Variants in ERGIC3 observed in about 807,000 individuals in gnomAD.
ERGIC3 encodes the protein ERGIC and golgi 3.
Under a neutral mutation model 54.7 loss-of-function variants are expected in ERGIC3, and 33 were observed. The observed-to-expected ratio is 0.60, with a 90% CI of 0.46 to 0.81. The LOEUF (loss-of-function observed/expected upper bound fraction) is 0.81, where lower values mean the gene tolerates loss of function less well. Ranked by LOEUF, ERGIC3 falls within the 30% of genes least tolerant of loss-of-function variation. The probability of loss-of-function intolerance (pLI) is 0.00; values close to 1 mark genes in which losing one functional copy is unlikely to be tolerated. For missense variants in ERGIC3, 399 were observed against 488.4 expected (o/e 0.82, Z 1.73); for synonymous variants, 186 against 189.8 (o/e 0.98, Z 0.16).
At chr20:35,552,597 G>C (rs1159052452) in intron 7 of ERGIC3, among the ~76,000 whole-genome samples, 1 of 152,192 alleles carries the variant, frequency 6.6e-6, no homozygotes, top group Non-Finnish European at 1.5e-5. Context: ...AGCCAGTGAG[G>C]GGGCAGGAGG....
chr20:35,547,105 CAG>C (rs979983150), intron 4 of ERGIC3, among the ~76,000 whole-genome samples: 8 of 152,278 alleles, frequency 5.3e-5, no homozygotes, highest in East Asian at 1.9e-4. Flanking sequence ...CTCAGTAAAA[CAG>C]GGATAATTAC....
chr20:35,548,699 T>C (rs1601363362), intron 6 of ERGIC3, 25 bp downstream of exon 6: 2 of 1,614,076 alleles, frequency 1.2e-6, no homozygotes, highest in Admixed American at 1.7e-5. Flanking sequence ...CAAGACAAGA[T>C]AGGGCCAGCT....
intron 7 of ERGIC3, chr20:35,554,822 C>T: frequency 1.6e-6 from 1 of 626,076 alleles, no homozygotes; most frequent in Non-Finnish European, 2.9e-6. Flanking sequence ...CAGGGAGGAA[C>T]CAGGGTCTGT....
At chr20:35,546,870 G>A (rs1340854929) in intron 4 of ERGIC3, among the ~76,000 whole-genome samples, 1 of 151,980 alleles carries the variant, frequency 6.6e-6, no homozygotes, top group Non-Finnish European at 1.5e-5. Context: ...GAGGTGAGAT[G>A]GCAAAATCAA....
intron 7 of ERGIC3, chr20:35,554,453 C>G: frequency 1.3e-6 from 2 of 1,591,822 alleles, no homozygotes; most frequent in Middle Eastern, 1.8e-4. Context: ...ACTAGAATGG[C>G]GGGGAGGTTG....
chr20:35,556,305 C>G, intron 10 of ERGIC3, 34 bp downstream of exon 10: 1 of 1,608,788 alleles, frequency 6.2e-7, no homozygotes, highest in Non-Finnish European at 8.5e-7. Flanking sequence ...GAGTCTCCTG[C>G]GCGGTGCCAA....
rs1288185177 is a variant in ERGIC3, at chr20:35,548,622, AG to A, written c.577del (p.Glu193SerfsTer50). 1 of 1,614,244 alleles carries A rather than the reference AG, an allele frequency of 6.2e-7. No homozygotes were observed. The highest frequency in any genetic ancestry group is 1.7e-5 in the Admixed American group (1 of 60,022). On this transcript the variant is annotated frameshift_variant, in exon 6 of 13. Transcript: ENST00000348547. LOFTEE classifies it high-confidence loss of function. ...CRREGFSQKM[Q>X]EQKNEGCQVY... ...CGAGAGGGCTTCAGCCAGAAGATGC[AG>A]GAGCAGAAGAATGAAGGCTGCCAGG...
chr20:35,554,909 C>A, intron 7 of ERGIC3, 135 bp from the exon 8 acceptor site: 2 of 1,076,010 alleles, frequency 1.9e-6, no homozygotes, highest in Non-Finnish European at 2.9e-6. Flanking sequence ...TTAAGCAGGA[C>A]CAGGAGGTGC....
chr20:35,556,948 G>A, intron 10 of ERGIC3, 25 bp from the exon 11 acceptor site: 4 of 1,613,792 alleles, frequency 2.5e-6, no homozygotes, highest in Non-Finnish European at 3.4e-6. Context: ...CCCTAGCCCT[G>A]GCCCAGGCTC....
At position 35,557,060 on chromosome 20, in the gene ERGIC3, G is replaced by A. The variant is rs765811014; in HGVS notation, c.967G>A (p.Val323Ile). The A allele has an allele frequency of 3.2e-5, 52 of 1,614,200 alleles. No individual in the cohort carries two copies. In the South Asian group the frequency reaches 4.8e-4, roughly 15 times the overall value. The change falls in exon 11 of 13, where the codon GTC becomes ATC. Residue 323 changes from valine to isoleucine, a missense_variant. Physicochemically the swap from Val to Ile is conservative, Grantham distance 29. Coordinates refer to ENST00000348547, the MANE Select transcript of ERGIC3 (RefSeq NM_015966.3). ...CGACCAAGGCCTTCCCGGAGTCTTC[G>A]TCCTCTATGAGCTCTCGCCCATGAT... The part of the protein sequence containing the change: ...LGDQGLPGVF[V>I]LYELSPMMVK...
In ERGIC3 at chr20:35,542,317, C is replaced by T. The variant is rs1225203625; in HGVS notation, c.89-6C>T. The T allele has an allele frequency of 6.2e-7, 1 of 1,613,972 alleles. No homozygotes were observed. The highest frequency in any genetic ancestry group is 2.2e-5 in the East Asian group (1 of 44,880). ...GCCATTCTGACCCTCGCCCCTTGTCCTGCAGTGACCATTGTCAGTGGCCTT... is the reference window on the plus strand; with the variant it reads ...GCCATTCTGACCCTCGCCCCTTGTCTTGCAGTGACCATTGTCAGTGGCCTT... On this transcript the variant is annotated splice_polypyrimidine_tract_variant and splice_region_variant and intron_variant, in intron 1 of 12. Coordinates refer to ENST00000348547, the MANE Select transcript of ERGIC3 (RefSeq NM_015966.3).
At position 35,542,084 on chromosome 20, in the gene ERGIC3, TCCGG is replaced by T. The variant is rs958952676; in HGVS notation, c.-9_-6del. Reference sequence around the variant, plus strand: ...GGGGCGGGCCGGCTGGCGTCCCCTTTCCGGCCGGTCCCCATGGAGGCGCTGGGGA... The same window carrying T: ...GGGGCGGGCCGGCTGGCGTCCCCTTTCCGGTCCCCATGGAGGCGCTGGGGA... On this transcript the variant is annotated 5_prime_UTR_variant, in exon 1 of 13. Coordinates refer to ENST00000348547, the MANE Select transcript of ERGIC3 (RefSeq NM_015966.3). The T allele has an allele frequency of 1.3e-6, 2 of 1,518,432 alleles. No homozygotes were observed. Among genetic ancestry groups the T allele is most frequent in the African/African-American group, 2.8e-5 (2 of 71,836 alleles). 94.1% of individuals were successfully genotyped at this position (1,518,432 alleles called of 1,614,324 possible).
At chr20:35,556,868 A>C (rs1446867794) in intron 10 of ERGIC3, 105 bp from the exon 11 acceptor site, 1 of 1,518,374 alleles carries the variant, frequency 6.6e-7, no homozygotes, top group Admixed American at 1.8e-5. Flanking sequence ...CTCTCCTTAC[A>C]CGGCCAAGGC....
intron 4 of ERGIC3, chr20:35,544,387 G>A (rs1429769529): frequency 1.1e-5 from 3 of 284,826 alleles, no homozygotes; most frequent in Non-Finnish European, 2.1e-5. Flanking sequence ...TTTTTTTTCT[G>A]TCAAGGTGTT....
chr20:35,547,066 C>A (rs1041773695), intron 4 of ERGIC3, among the ~76,000 whole-genome samples: 1 of 152,128 alleles, frequency 6.6e-6, no homozygotes, highest in Admixed American at 6.6e-5. Flanking sequence ...TGGGCAAAGT[C>A]ACTTCTCATC....
At chr20:35,543,799 G>A in intron 4 of ERGIC3, 1 of 444,294 alleles carries the variant, frequency 2.3e-6, no homozygotes, top group South Asian at 1.6e-5. Context: ...ATGACTGGAG[G>A]AGAAGGTTTT....
Position 35,556,109 on chromosome 20 carries a change from C to T in ERGIC3, c.794C>T (p.Thr265Ile). Residue 265 changes from threonine (T) to isoleucine (I), a missense_variant, in exon 9 of 13, where the codon ACC (threonine) becomes ATC (isoleucine). Physicochemically the swap from Thr to Ile is moderately conservative, Grantham distance 89 (BLOSUM62 -1). Coordinates refer to ENST00000348547, the MANE Select transcript of ERGIC3 (RefSeq NM_015966.3). The part of the protein sequence containing the change: ...YPGIVNPLDH[T>I]NVTAPQASMM... ...GGCATTGTGAACCCCCTGGACCACACCAATGTCACTGCGCCCCAAGGTACC... is the reference window on the plus strand; with the variant it reads ...GGCATTGTGAACCCCCTGGACCACATCAATGTCACTGCGCCCCAAGGTACC... The T allele has an allele frequency of 6.2e-7, 1 of 1,614,200 alleles. No homozygotes were observed. Among genetic ancestry groups the T allele is most frequent in the Non-Finnish European group, 8.5e-7 (1 of 1,180,034 alleles).
chr20:35,551,129 T>TA (rs992185744), intron 7 of ERGIC3, among the ~76,000 whole-genome samples: 3 of 151,848 alleles, frequency 2.0e-5, no homozygotes, highest in African/African-American at 7.3e-5. Context: ...TTGTCTCTAC[T>TA]AAAAAATGCA....
chr20:35,547,655 C>G, intron 5 of ERGIC3, 150 bp downstream of exon 5: 1 of 671,756 alleles, frequency 1.5e-6, no homozygotes, highest in South Asian at 1.8e-5. Flanking sequence ...CTGGTGCAAG[C>G]GACTGAGGCT....
Sources: gnomAD v4.1 joint callset for allele counts (sites outside exome capture counted in the v4.1 genomes callset) on GRCh38, gnomAD v4.1.1 for gene constraint, MANE v1.5 for transcripts, NCBI Gene and HGNC (gene_info 2026-07-23, HGNC 2026-07-21) for gene names.